GPC3: variants seen among roughly 807,000 people sequenced by gnomAD.
GPC3 encodes the protein glypican 3.
Under a neutral mutation model 34.4 loss-of-function variants are expected in GPC3, and 3 were observed. That is an observed-to-expected ratio of 0.09 (90% CI 0.04 to 0.23). The LOEUF is 0.23. Among genes scored for constraint, GPC3 ranks in the 10% least tolerant of loss-of-function variants. The pLI, the probability that GPC3 is intolerant of heterozygous loss-of-function variation, is 1.00. For missense variants in GPC3, 351 were observed against 445.6 expected, an observed-to-expected ratio of 0.79 and a Z score of 1.91; for synonymous variants, 177 against 174.0, an observed-to-expected ratio of 1.02 and a Z score of -0.13.
intron 2 of GPC3, among the ~76,000 whole-genome samples, chrX:133,771,317 T>C (rs1026208620): frequency 3.5e-5 from 4 of 112,691 alleles, no homozygotes; most frequent in African/African-American, 1.3e-4. Context: ...GAATTTGAGA[T>C]TGGGCATTTT....
intron 1 of GPC3, among the ~76,000 whole-genome samples, chrX:133,960,870 C>T (rs1476919798): frequency 1.8e-5 from 2 of 111,106 alleles, no homozygotes; most frequent in Non-Finnish European, 3.8e-5. Flanking sequence ...GGTTGCTCTA[C>T]TAATGAACCA....
At chrX:133,738,235 A>T (rs1173520195) in intron 3 of GPC3, among the ~76,000 whole-genome samples, 1 of 112,298 alleles carries the variant, frequency 8.9e-6, no homozygotes, top group African/African-American at 3.2e-5. Context: ...AAGTGCTGGG[A>T]TTACAGGCGT....
At chrX:133,600,029 T>TA (rs1314811456) in intron 6 of GPC3, among the ~76,000 whole-genome samples, 1 of 111,584 alleles carries the variant, frequency 9.0e-6, no homozygotes, top group African/African-American at 3.3e-5. Context: ...CTGTACCTCC[T>TA]AAATGCCACT....
chrX:133,661,812 T>A lies in GPC3; in HGVS notation c.1331A>T (p.Gln444Leu), dbSNP rs1053066164. 1 of 1,193,714 alleles carries A rather than the reference T, an allele frequency of 8.4e-7. No homozygotes were observed. The highest frequency in any genetic ancestry group is 1.1e-6 in the Non-Finnish European group (1 of 880,033). The change falls in exon 6 of 8, where the codon CAG (glutamine) becomes CTG (leucine). Residue 444 changes from glutamine to leucine, a missense_variant. Gln to Leu is a moderately radical substitution (Grantham distance 113). Transcript: ENST00000370818. ...QKAARNGMKN[Q>L]FNLHELKMKG... is the part of the protein sequence containing the mutation. ...CATTTTCAGCTCATGGAGATTGAAC[T>A]GGTTTTTCATTCCATTCCTTGCTGC...
chrX:133,783,607 C>T (rs1233743126), intron 2 of GPC3, among the ~76,000 whole-genome samples: 1 of 112,286 alleles, frequency 8.9e-6, no homozygotes, highest in African/African-American at 3.2e-5. Flanking sequence ...CCAGCATGCC[C>T]TAGAGTGGGA....
At chrX:133,837,846 G>C (rs1035698844) in intron 2 of GPC3, among the ~76,000 whole-genome samples, 2 of 112,076 alleles carry the variant, frequency 1.8e-5, no homozygotes, top group African/African-American at 6.5e-5. Context: ...CATTGTTGAG[G>C]GTTTGTGGTA....
chrX:133,613,739 A>G (rs1375507721), intron 6 of GPC3, among the ~76,000 whole-genome samples: 1 of 112,055 alleles, frequency 8.9e-6, no homozygotes, highest in Non-Finnish European at 1.9e-5. Context: ...TACACAGGGG[A>G]AAAAAGCAGC....
intron 5 of GPC3, among the ~76,000 whole-genome samples, chrX:133,667,063 T>C (rs763751950): frequency 4.1e-4 from 46 of 112,116 alleles, no homozygotes; most frequent in Non-Finnish European, 7.9e-4. Context: ...CCAGCTTTCT[T>C]GAGGTAGAAT....
Position 133,560,154 on chromosome X carries a change from T to A in GPC3, c.1574-23861A>T, listed in dbSNP as rs918937194. On this transcript the variant is annotated intron_variant, in intron 7 of 7. Transcript: ENST00000370818. ...TTCCAATGGACCGCCTCACCCATAT[T>A]CTGTGTATCAGAGCATAGGCACGGT... is the stretch of plus-strand genomic sequence containing the variant. 5.4e-5 allele frequency among the ~76,000 whole-genome samples: 6 copies of A among 111,637 alleles called. No homozygotes were observed. The East Asian group carries it at 1.7e-3, about 32-fold the overall frequency.
intron 6 of GPC3, among the ~76,000 whole-genome samples, chrX:133,630,901 A>T (rs2124370451): frequency 8.9e-6 from 1 of 112,074 alleles, no homozygotes; most frequent in Admixed American, 9.5e-5. Flanking sequence ...ATATTTTGCT[A>T]GTCCCATAAT....
At chrX:133,684,974 G>T (rs951159062) in intron 5 of GPC3, among the ~76,000 whole-genome samples, 2 of 107,758 alleles carry the variant, frequency 1.9e-5, no homozygotes, top group African/African-American at 6.8e-5. Context: ...AGACTTTTTC[G>T]TGTTAGAAAT....
Position 133,953,087 on chromosome X carries a change from G to C in GPC3, c.300C>G (p.Leu100=). The change falls in exon 2 of 8, where the codon CTC becomes CTG. Residue 100 remains leucine (L), a synonymous_variant. Coordinates refer to ENST00000370818, the MANE Select transcript of GPC3 (RefSeq NM_004484.4). ...EQLLQSASME[L]KFLIIQNAAV... is the part of the protein sequence containing the mutation. ...CAGCATTCTGAATAATTAAGAACTTGAGCTCCATACTTGCAGACTGAAGCA... is the reference window on the plus strand; with the variant it reads ...CAGCATTCTGAATAATTAAGAACTTCAGCTCCATACTTGCAGACTGAAGCA... 1 of 1,209,143 alleles carries C rather than the reference G, an allele frequency of 8.3e-7. No homozygotes were observed. The highest frequency in any genetic ancestry group is 3.0e-5 in the East Asian group (1 of 33,831).
chrX:133,786,776 A>G (rs2072106544), intron 2 of GPC3, among the ~76,000 whole-genome samples: 1 of 111,542 alleles, frequency 9.0e-6, no homozygotes, highest in South Asian at 3.8e-4. Flanking sequence ...TTTTCGCCCA[A>G]TAAAATTCTG....
chrX:133,876,480 A>G (rs2076017648), intron 2 of GPC3, among the ~76,000 whole-genome samples: 1 of 112,130 alleles, frequency 8.9e-6, no homozygotes, highest in Non-Finnish European at 1.9e-5. Context: ...TGAATGTTTT[A>G]ATTCCAATTT....
Position 133,661,981 on chromosome X carries a change from C to T in GPC3, c.1293-131G>A, listed in dbSNP as rs1165990548. ...ACGACCTCATGGTGCAAAAGTAGAC[C>T]ACTCCACATAGTGTCTATTTACAGT... On this transcript the variant is annotated intron_variant, in intron 5 of 7. Coordinates refer to ENST00000370818, the MANE Select transcript of GPC3 (RefSeq NM_004484.4). 4 of 665,126 alleles carry T rather than the reference C, an allele frequency of 6.0e-6. No homozygotes were observed. The Admixed American group carries it at 7.6e-5, about 13-fold the overall frequency. The allele number at this position is 665,126 out of a possible 1,213,427, so 54.8% of individuals were successfully genotyped here.
At chrX:133,865,914 G>C (rs926260316) in intron 2 of GPC3, among the ~76,000 whole-genome samples, 1 of 112,097 alleles carries the variant, frequency 8.9e-6, no homozygotes, top group Admixed American at 9.4e-5. Context: ...AGCTTAAGTA[G>C]CTCTTTAAAG....
chrX:133,901,654 T>C (rs5933355), intron 2 of GPC3, among the ~76,000 whole-genome samples: 29,463 of 109,887 alleles, frequency 0.27, 3,102 homozygotes, highest in Middle Eastern at 0.31. Flanking sequence ...TTGGCCAGGA[T>C]GGTCTCAATC....
At chrX:133,650,980 C>A (rs1337533756) in intron 6 of GPC3, among the ~76,000 whole-genome samples, 5 of 110,716 alleles carry the variant, frequency 4.5e-5, no homozygotes, top group Non-Finnish European at 9.4e-5. Context: ...GCTCTAAAGC[C>A]TTTGTTCTTT....
chrX:133,855,530 G>GATATATATATATATATATAT (rs756213198), intron 2 of GPC3, among the ~76,000 whole-genome samples: 2,551 of 90,802 alleles, frequency 0.028, 87 homozygotes, highest in Middle Eastern at 0.036. Context: ...GCTGTTACAA[G>GATATATATATATATATATAT]ATATATATAT....
Sources: gnomAD v4.1 joint callset for allele counts (sites outside exome capture counted in the v4.1 genomes callset) on GRCh38, gnomAD v4.1.1 for gene constraint, MANE v1.5 for transcripts, NCBI Gene and HGNC (gene_info 2026-07-23, HGNC 2026-07-21) for gene names.